GNL3L: variants seen among roughly 807,000 people sequenced by gnomAD.
GNL3L encodes the protein G protein nucleolar 3 like, also known as guanine nucleotide-binding protein-like 3-like protein.
In GNL3L, 4 loss-of-function variants were observed where a neutral mutation model predicts 42.9. The ratio of observed to expected loss-of-function variants is 0.09; its 90% CI spans 0.05 to 0.21. The LOEUF (loss-of-function observed/expected upper bound fraction) is 0.21. Ranked by LOEUF, GNL3L falls within the 10% of genes least tolerant of loss-of-function variation. The probability of loss-of-function intolerance (pLI) is 1.00; values close to 1 mark genes in which losing one functional copy is unlikely to be tolerated. For synonymous variants in GNL3L, 159 were observed against 176.3 expected, an observed-to-expected ratio of 0.90 and a Z score of 0.78; for missense variants, 412 against 481.7, an observed-to-expected ratio of 0.86 and a Z score of 1.36.
intron 16 of GNL3L, among the ~76,000 whole-genome samples, chrX:54,576,681 G>A (rs1925639250): frequency 9.1e-6 from 1 of 110,375 alleles, no homozygotes; most frequent in African/African-American, 3.3e-5. Flanking sequence ...GGCCAGGCTG[G>A]TCTTGAACTC....
chrX:54,644,940 A>G, the GNL3L span, among the ~76,000 whole-genome samples: 186 of 111,819 alleles, frequency 1.7e-3, 2 homozygotes, highest in African/African-American at 5.6e-3. Flanking sequence ...TTATGTTAGT[A>G]GAATTTTAAA....
intron 8 of GNL3L, among the ~76,000 whole-genome samples, chrX:54,544,787 T>C (rs1483876861): frequency 2.7e-5 from 3 of 110,691 alleles, no homozygotes; most frequent in Non-Finnish European, 5.7e-5. Context: ...CAGTGACTTC[T>C]TAATATTAGT....
chrX:54,535,046 G>A (rs1377432458), intron 2 of GNL3L, among the ~76,000 whole-genome samples: 1 of 112,008 alleles, frequency 8.9e-6, no homozygotes, highest in East Asian at 2.8e-4. Flanking sequence ...TTTAAACTGT[G>A]TTTATTTAAA....
intron 16 of GNL3L, among the ~76,000 whole-genome samples, chrX:54,594,707 T>TTTAGTAAAGGTGATTTTCTC (rs1479185898): frequency 5.7e-4 from 63 of 111,405 alleles, no homozygotes; most frequent in African/African-American, 1.8e-3. Flanking sequence ...CTGTCTTCTT[T>TTTAGTAAAGGTGATTTTCTC]TTAGTAAAGG....
the GNL3L span, among the ~76,000 whole-genome samples, chrX:54,630,798 T>TTC: frequency 9.8e-6 from 1 of 101,735 alleles, no homozygotes; most frequent in African/African-American, 3.7e-5. Flanking sequence ...CTTTCTTTCT[T>TTC]TTCTCTCTCT....
rs1926090301 is a variant in GNL3L, at chrX:54,607,064, CTTTCTTTCTCTTTCTTTCT to C, written c.*46-13779_*46-13761del. Among the ~76,000 whole-genome samples the C allele has an allele frequency of 5.2e-4, 22 of 42,110 alleles. 1 individual carries two copies. Among genetic ancestry groups the C allele is most frequent in the African/African-American group, 2.8e-3 (22 of 7,905 alleles). The allele number at this position is 42,110 out of a possible 115,157, so 36.6% of individuals were successfully genotyped here. ...TCTTTCTTTCTTTCTTTCTTTCTTT[CTTTCTTTCTCTTTCTTTCT>C]TCTTTCTTTCTTTCTTTCTTTCTTT... On this transcript the variant is annotated intron_variant, in intron 16 of 16. Transcript: ENST00000674498.
At chrX:54,568,209 C>T (rs1231998982), downstream of GNL3L, among the ~76,000 whole-genome samples, 3 of 111,541 alleles carry the variant, frequency 2.7e-5, no homozygotes, top group South Asian at 3.7e-4. Flanking sequence ...CCTTGTGATC[C>T]GCCCGCCTCA....
downstream of GNL3L, among the ~76,000 whole-genome samples, chrX:54,622,918 A>C (rs928434702): frequency 9.0e-6 from 1 of 111,613 alleles, no homozygotes; most frequent in Non-Finnish European, 1.9e-5. Context: ...AGGGGGTCTG[A>C]CTTCATTCTT....
chrX:54,590,635 C>T (rs1237665752), intron 16 of GNL3L, among the ~76,000 whole-genome samples: 1 of 111,066 alleles, frequency 9.0e-6, no homozygotes, highest in Admixed American at 9.6e-5. Flanking sequence ...TTGATGTGAT[C>T]CTATTTTTGC....
chrX:54,615,704 C>CTT (rs752545647), intron 16 of GNL3L, among the ~76,000 whole-genome samples: 4 of 99,616 alleles, frequency 4.0e-5, no homozygotes, highest in African/African-American at 1.1e-4. Flanking sequence ...CCAGTACTTG[C>CTT]TTTTTTTTTT....
chrX:54,579,487 C>T (rs968715589), intron 16 of GNL3L, among the ~76,000 whole-genome samples: 1 of 112,045 alleles, frequency 8.9e-6, no homozygotes, highest in Non-Finnish European at 1.9e-5. Context: ...GGGCTCAAGC[C>T]ATCCTCCTCC....
chrX:54,591,858 CATTGGT>C (rs1925875956), intron 16 of GNL3L, among the ~76,000 whole-genome samples: 1 of 110,864 alleles, frequency 9.0e-6, no homozygotes, highest in African/African-American at 3.3e-5. Flanking sequence ...TGAAGAATGT[CATTGGT>C]ATTCTGATAG....
intron 9 of GNL3L, 63 bp downstream of exon 9, chrX:54,548,436 G>T: frequency 1.1e-6 from 1 of 927,998 alleles, no homozygotes; most frequent in Non-Finnish European, 1.5e-6. Context: ...TTCGCTGGGG[G>T]AAAGGATCCT....
chrX:54,564,198 A>G lies in GNL3L; in HGVS notation c.*3596A>G, dbSNP rs1925351983. On this transcript the variant is annotated 3_prime_UTR_variant, in exon 16 of 16. Transcript: ENST00000360845. ...TGCCTTCAGGTTTTAAAAATTATAA[A>G]CATTTACATTACAGTAAAATTCACT... Among the ~76,000 whole-genome samples the G allele has an allele frequency of 9.0e-6, 1 of 110,852 alleles. No individual in the cohort carries two copies. The highest frequency in any genetic ancestry group is 1.9e-5 in the Non-Finnish European group (1 of 53,024).
At position 54,559,258 on chromosome X, in the gene GNL3L, A is replaced by G. The variant is rs1047417633; in HGVS notation, c.1666+603A>G. On this transcript the variant is annotated intron_variant, in intron 15 of 15. Coordinates refer to ENST00000360845, the MANE Select transcript of GNL3L (RefSeq NM_001184819.2). ...GGAGAACCACTGGCCTGCCTAGTCTATGTATCAAATAACGACCATTTATTT... is the reference window on the plus strand; with the variant it reads ...GGAGAACCACTGGCCTGCCTAGTCTGTGTATCAAATAACGACCATTTATTT... Among the ~76,000 whole-genome samples the G allele has an allele frequency of 9.9e-5, 11 of 111,309 alleles. No individual in the cohort carries two copies. The East Asian group carries it at 1.4e-3, about 14-fold the overall frequency.
chrX:54,606,894 G>A (rs776588423), intron 16 of GNL3L, among the ~76,000 whole-genome samples: 1 of 109,948 alleles, frequency 9.1e-6, no homozygotes, highest in African/African-American at 3.3e-5. Flanking sequence ...TCTGACCTCC[G>A]CCTCCCAAAG....
At chrX:54,630,480 T>C in the GNL3L span, among the ~76,000 whole-genome samples, 1 of 111,031 alleles carries the variant, frequency 9.0e-6, no homozygotes, top group Non-Finnish European at 1.9e-5. Context: ...TCAAAGAACA[T>C]TTTAATTTCC....
At chrX:54,545,969 C>T (rs771926208) in intron 8 of GNL3L, among the ~76,000 whole-genome samples, 7 of 112,505 alleles carry the variant, frequency 6.2e-5, no homozygotes, top group Non-Finnish European at 1.3e-4. Flanking sequence ...CTGCCTCAGC[C>T]TCCTGAGTAC....
intron 2 of GNL3L, among the ~76,000 whole-genome samples, chrX:54,536,096 T>G (rs1924415006): frequency 9.0e-6 from 1 of 110,826 alleles, no homozygotes; most frequent in African/African-American, 3.3e-5. Flanking sequence ...CCCGGCTAAT[T>G]TTTGTATTTT....
Sources: gnomAD v4.1 joint callset for allele counts (sites outside exome capture counted in the v4.1 genomes callset) on GRCh38, gnomAD v4.1.1 for gene constraint, MANE v1.5 for transcripts, NCBI Gene and HGNC (gene_info 2026-07-23, HGNC 2026-07-21) for gene names.